Variants in SLC27A4 observed in about 807,000 individuals in gnomAD.
SLC27A4 encodes long-chain fatty acid transport protein 4.
A neutral mutation model predicts 64.4 loss-of-function variants in SLC27A4; 33 were observed. The ratio of observed to expected loss-of-function variants is 0.51; its 90% CI spans 0.39 to 0.68. The LOEUF (loss-of-function observed/expected upper bound fraction) is 0.68. Among genes scored for constraint, SLC27A4 ranks in the 30% least tolerant of loss-of-function variants. The pLI is 0.00. For synonymous variants in SLC27A4, 377 were observed against 370.0 expected, an observed-to-expected ratio of 1.02 and a Z score of -0.22; for missense variants, 824 against 883.5, an observed-to-expected ratio of 0.93 and a Z score of 0.85.
intron 1 of SLC27A4, among the ~76,000 whole-genome samples, chr9:128,341,361 A>G (rs539455361): frequency 6.6e-6 from 1 of 152,316 alleles, no homozygotes; most frequent in African/African-American, 2.4e-5. Context: ...CGAGTCCTCA[A>G]AGCTCCAGGA....
At chr9:128,348,830 T>A (rs531309308) in intron 4 of SLC27A4, 127 bp downstream of exon 4, 2 of 924,432 alleles carry the variant, frequency 2.2e-6, no homozygotes, top group Non-Finnish European at 3.3e-6. Context: ...GTCACCTCCC[T>A]TTTTCCATCT....
At position 128,345,539 on chromosome 9, in the gene SLC27A4, A is replaced by G; in HGVS notation, c.546A>G (p.Glu182=). Residue 182 remains glutamate, a synonymous_variant, in exon 3 of 13, where the codon GAA becomes GAG. Coordinates refer to ENST00000300456, the MANE Select transcript of SLC27A4 (RefSeq NM_005094.4). The surrounding 1 kb of genome is among the most constrained non-coding windows in gnomAD (Gnocchi z 4.1). The part of the protein sequence containing the change: ...SRARALVFGS[E]MASAICEVHA... The stretch of plus-strand genomic sequence containing the variant: ...CACGGGCCCTTGTCTTTGGCAGCGA[A>G]ATGGCCTCAGGTGAGCCCCAAGGGG... The G allele has an allele frequency of 1.2e-6, 2 of 1,605,624 alleles. No homozygotes were observed. The highest frequency in any genetic ancestry group is 8.5e-7 in the Non-Finnish European group (1 of 1,177,454).
At position 128,361,449 on chromosome 9, in the gene SLC27A4, G is replaced by A. The variant is rs1832907318; in HGVS notation, c.*958G>A. ...TGAATCTGGCAAGGTGTTTAACAGT[G>A]TGGGCTTGAAAGTCCAAACCAGCTC... On this transcript the variant is annotated 3_prime_UTR_variant, in exon 13 of 13. Transcript: ENST00000300456. 1 of 152,286 alleles carries A rather than the reference G, an allele frequency of 6.6e-6. No individual in the cohort carries two copies. Among genetic ancestry groups the A allele is most frequent in the Non-Finnish European group, 1.5e-5 (1 of 68,092 alleles). The allele number at this position is 152,286 out of a possible 1,614,324, so 9.4% of individuals were successfully genotyped here.
chr9:128,346,703 A>G (rs2059829451), intron 3 of SLC27A4, among the ~76,000 whole-genome samples: 1 of 151,728 alleles, frequency 6.6e-6, no homozygotes, highest in Non-Finnish European at 1.5e-5. Flanking sequence ...CCCTGTCTCA[A>G]AAAAAACAAA....
At position 128,345,474 on chromosome 9, in the gene SLC27A4, C is replaced by T. The variant is rs753590802; in HGVS notation, c.481C>T (p.Arg161Trp). ...GGCAGCCCTCATCAACACCAACCTG[C>T]GGCGGGATGCTCTGCTCCACTGCCT... Reference protein sequence around the residue: ...VEAALINTNLRRDALLHCLTT... With the variant: ...VEAALINTNLWRDALLHCLTT... The change falls in exon 3 of 13, where the codon CGG (arginine) becomes TGG (tryptophan). Residue 161 changes from arginine to tryptophan, a missense_variant. By Grantham distance (101) the Arg-to-Trp change is moderately radical. Coordinates refer to ENST00000300456, the MANE Select transcript of SLC27A4 (RefSeq NM_005094.4). This position sits in a 1 kb window ranked among gnomAD's most constrained non-coding sequence, Gnocchi z 4.1. The T allele has an allele frequency of 5.0e-6, 8 of 1,612,934 alleles. No homozygotes were observed. Among genetic ancestry groups the T allele is most frequent in the Non-Finnish European group, 6.8e-6 (8 of 1,179,926 alleles).
Position 128,360,568 on chromosome 9 carries a change from GGC to G in SLC27A4, c.*78_*79del. 1 of 1,544,820 alleles carries G rather than the reference GGC, an allele frequency of 6.5e-7. No homozygotes were observed. Among genetic ancestry groups the G allele is most frequent in the Non-Finnish European group, 8.9e-7 (1 of 1,126,040 alleles). On this transcript the variant is annotated 3_prime_UTR_variant, in exon 13 of 13. Transcript: ENST00000300456. Reference sequence around the variant, plus strand: ...TCCGCCCCAGAGCGGTCCTGGACAAGGCCAGACCAAAGCAAGCAGGGCCTGGC... The same window carrying G: ...TCCGCCCCAGAGCGGTCCTGGACAAGCAGACCAAAGCAAGCAGGGCCTGGC...
At chr9:128,357,569 G>A (rs963044468) in intron 12 of SLC27A4, among the ~76,000 whole-genome samples, 1 of 152,246 alleles carries the variant, frequency 6.6e-6, no homozygotes, top group South Asian at 2.1e-4. Flanking sequence ...GGGAGGGGCT[G>A]TTGCAGTTGT....
intron 1 of SLC27A4, among the ~76,000 whole-genome samples, chr9:128,341,769 C>T (rs986206380): frequency 7.9e-5 from 12 of 152,104 alleles, no homozygotes; most frequent in Admixed American, 5.9e-4. Context: ...GACGGAGTCT[C>T]GCTCTGTCTC....
intron 2 of SLC27A4, 63 bp downstream of exon 2, chr9:128,343,356 A>T: frequency 6.3e-7 from 1 of 1,595,330 alleles, no homozygotes; most frequent in East Asian, 2.2e-5. Flanking sequence ...TGGTCCCCCA[A>T]ATCTCCCCAG....
intron 6 of SLC27A4, among the ~76,000 whole-genome samples, chr9:128,351,562 C>T (rs1049561615): frequency 2.5e-4 from 35 of 142,308 alleles, no homozygotes; most frequent in African/African-American, 8.6e-4. Flanking sequence ...ACTAAAAGTA[C>T]AAAAAGTAGC....
At chr9:128,347,811 C>T (rs1832678380) in intron 3 of SLC27A4, among the ~76,000 whole-genome samples, 1 of 150,876 alleles carries the variant, frequency 6.6e-6, no homozygotes, top group Admixed American at 6.6e-5. Flanking sequence ...TCTCTTGAGC[C>T]CAGGAGTTCA....
At chr9:128,352,970 C>T (rs1325964885) in intron 7 of SLC27A4, 55 bp from the exon 8 acceptor site, 90 of 1,463,518 alleles carry the variant, frequency 6.1e-5, no homozygotes, top group Non-Finnish European at 8.0e-5. Context: ...CAGGAGAATC[C>T]TAGTGTAGTG....
chr9:128,345,519 G>A lies in SLC27A4; in HGVS notation c.526G>A (p.Ala176Thr). 1.2e-6 allele frequency: 2 copies of A among 1,608,620 alleles called. No homozygotes were observed. Among genetic ancestry groups the A allele is most frequent in the Non-Finnish European group, 1.7e-6 (2 of 1,178,158 alleles). Residue 176 changes from alanine to threonine, a missense_variant, in exon 3 of 13, where the codon GCC becomes ACC. Ala to Thr is a moderately conservative substitution (Grantham distance 58). Transcript: ENST00000300456. This position sits in a 1 kb window ranked among gnomAD's most constrained non-coding sequence, Gnocchi z 4.1. ...CTGCCTCACCACCTCGCGCGCACGG[G>A]CCCTTGTCTTTGGCAGCGAAATGGC... ...LHCLTTSRAR[A>T]LVFGSEMASA... is the part of the protein sequence containing the mutation.
intron 1 of SLC27A4, chr9:128,342,530 C>T (rs1832590964): frequency 2.5e-6 from 2 of 811,280 alleles, no homozygotes; most frequent in Non-Finnish European, 4.0e-6. Flanking sequence ...GAAGGCTGCG[C>T]CTGCCTCTCC....
Position 128,350,611 on chromosome 9 carries a change from G to A in SLC27A4, c.877+36G>A, listed in dbSNP as rs767208354. ...GGCTGTCACACAGCCTCCAGCACCT[G>A]CCAGGTCTCTAGGAACCCCACCCCC... On this transcript the variant is annotated intron_variant, in intron 6 of 12. Coordinates refer to ENST00000300456, the MANE Select transcript of SLC27A4 (RefSeq NM_005094.4). 8.5e-6 allele frequency: 13 copies of A among 1,523,470 alleles called. No individual in the cohort carries two copies. In the South Asian group the frequency reaches 9.2e-5, roughly 11 times the overall value. The allele number at this position is 1,523,470 out of a possible 1,614,324, so 94.4% of individuals were successfully genotyped here.
rs138603285 is a variant in SLC27A4, at chr9:128,355,772, C to G, written c.1750C>G (p.Leu584Val). Residue 584 changes from leucine (L) to valine (V), a missense_variant, in exon 12 of 13, where the codon CTC becomes GTC. Leu to Val is a conservative substitution (Grantham distance 32). Transcript: ENST00000300456. ...PLYARPIFLR[L>V]LPELHKTGTY... ...GTATGCGCGCCCCATCTTCCTGCGC[C>G]TCCTGCCTGAGCTGCACAAAACAGG... 6.2e-7 allele frequency: 1 copy of G among 1,613,664 alleles called. No individual in the cohort carries two copies. Among genetic ancestry groups the G allele is most frequent in the Admixed American group, 1.7e-5 (1 of 60,026 alleles).
intron 1 of SLC27A4, chr9:128,342,316 C>T: frequency 6.2e-7 from 1 of 1,612,038 alleles, no homozygotes. Context: ...GAAAAATCCA[C>T]TGCCTTCCAA....
chr9:128,344,156 T>G (rs1215196744), intron 2 of SLC27A4, among the ~76,000 whole-genome samples: 1 of 152,054 alleles, frequency 6.6e-6, no homozygotes. Context: ...CGGCTGTACT[T>G]GAGAGGCGCC....
chr9:128,342,172 A>T, intron 1 of SLC27A4: 1 of 1,316,484 alleles, frequency 7.6e-7, no homozygotes, highest in Non-Finnish European at 1.1e-6. Flanking sequence ...GGTGGTGGCC[A>T]CTGCGCAGAC....
Sources: allele counts gnomAD v4.1 joint callset (sites outside exome capture counted in the v4.1 genomes callset), GRCh38; gene constraint gnomAD v4.1.1; non-coding constraint Gnocchi (gnomAD v3.1); transcripts MANE v1.5; gene names NCBI Gene and HGNC (gene_info 2026-07-23, HGNC 2026-07-21).